Variants in ZFR2 observed in about 807,000 individuals in gnomAD.
The protein encoded by ZFR2 is zinc finger RNA-binding protein 2.
Under a neutral mutation model 105.7 loss-of-function variants are expected in ZFR2, and 104 were observed. The ratio of observed to expected loss-of-function variants is 0.98; its 90% CI spans 0.84 to 1.16. The LOEUF (loss-of-function observed/expected upper bound fraction) is 1.16. Among genes scored for constraint, ZFR2 ranks in the 50% most tolerant of loss-of-function variants. The pLI is 0.00. For synonymous variants in ZFR2, 634 were observed against 597.7 expected (o/e 1.06, Z -0.89); for missense variants, 1,425 against 1,355.5 (o/e 1.05, Z -0.80).
intron 18 of ZFR2, among the ~76,000 whole-genome samples, chr19:3,806,810 A>G (rs750575072): frequency 1.1e-4 from 17 of 152,212 alleles, no homozygotes; most frequent in Non-Finnish European, 1.9e-4. Flanking sequence ...TTTTTCTTAT[A>G]AACAAATTTG....
chr19:3,831,481 G>A lies in ZFR2; in HGVS notation c.674C>T (p.Pro225Leu), dbSNP rs113758593. ...CAGCTGCTGCGGGGGTCCCGGGGGA[G>A]GCGGGGGCTGCGCTGGAGGATAGAA... ...SPFYPPAQPP[P>L]PPGPPQQLPP... The change falls in exon 5 of 19, where the codon CCT becomes CTT. Residue 225 changes from proline (P) to leucine (L), a missense_variant. By Grantham distance (98) the Pro-to-Leu change is moderately conservative (BLOSUM62 -3). Coordinates refer to ENST00000262961, the MANE Select transcript of ZFR2 (RefSeq NM_015174.2). The A allele has an allele frequency of 1.9e-6, 3 of 1,549,976 alleles. No individual in the cohort carries two copies. The highest frequency in any genetic ancestry group is 2.7e-5 in the African/African-American group (2 of 73,080).
At chr19:3,830,504 C>A (rs1253326681) in intron 5 of ZFR2, among the ~76,000 whole-genome samples, 1 of 152,088 alleles carries the variant, frequency 6.6e-6, no homozygotes, top group Non-Finnish European at 1.5e-5. Context: ...GCATGAGACA[C>A]AGTGGAGAGC....
In ZFR2 at chr19:3,804,885, TG is replaced by T. The variant is rs1408732686; in HGVS notation, c.*1063del. On this transcript the variant is annotated 3_prime_UTR_variant, in exon 19 of 19. Coordinates refer to ENST00000262961, the MANE Select transcript of ZFR2 (RefSeq NM_015174.2). ...AGTTTTGTTTGTTTGTTTGTTTGTT[TG>T]TTTGTTTCTTTGAGACAGGGTCTCG... 1 of 153,292 alleles carries T rather than the reference TG, an allele frequency of 6.5e-6. No homozygotes were observed. The highest frequency in any genetic ancestry group is 2.4e-5 in the African/African-American group (1 of 41,480). 9.5% of individuals were successfully genotyped at this position (153,292 alleles called of 1,614,324 possible).
chr19:3,841,075 C>T (rs562430459), intron 1 of ZFR2, among the ~76,000 whole-genome samples: 5 of 152,010 alleles, frequency 3.3e-5, no homozygotes, highest in African/African-American at 1.2e-4. Context: ...CCCGGGAGAC[C>T]CAGGCCCCAT....
At chr19:3,861,164 C>A (rs780462588) in intron 1 of ZFR2, among the ~76,000 whole-genome samples, 2 of 152,000 alleles carry the variant, frequency 1.3e-5, no homozygotes, top group African/African-American at 4.8e-5. Context: ...CCGCCAACCG[C>A]GACAAGTAAA....
At position 3,834,062 on chromosome 19, in the gene ZFR2, C is replaced by T. The variant is rs1345237721; in HGVS notation, c.265-284G>A. ...GGACGCTTGGTGCGGCAGGAGAGGG[C>T]GGGTTTGCAGGGAGAAGCCCCCGAG... On this transcript the variant is annotated intron_variant, in intron 2 of 18. Coordinates refer to ENST00000262961, the MANE Select transcript of ZFR2 (RefSeq NM_015174.2). This position sits in a 1 kb window ranked among gnomAD's most constrained non-coding sequence, Gnocchi z 5.3. 2.6e-5 allele frequency among the ~76,000 whole-genome samples: 4 copies of T among 152,022 alleles called. No homozygotes were observed. Among genetic ancestry groups the T allele is most frequent in the Non-Finnish European group, 4.4e-5 (3 of 67,974 alleles).
intron 12 of ZFR2, 88 bp downstream of exon 12, chr19:3,818,957 G>C: frequency 6.7e-7 from 1 of 1,489,024 alleles, no homozygotes; most frequent in Non-Finnish European, 9.0e-7. Context: ...GCCCATCAGA[G>C]CTAGGGGTTC....
chr19:3,806,937 T>A (rs765609802), intron 18 of ZFR2, among the ~76,000 whole-genome samples: 26 of 152,120 alleles, frequency 1.7e-4, no homozygotes, highest in Non-Finnish European at 3.1e-4. Flanking sequence ...AGACCTGAGG[T>A]CTGGGCGTCA....
Position 3,813,766 on chromosome 19 carries a change from C to G in ZFR2, c.2242+54G>C, listed in dbSNP as rs1370533389. Reference sequence around the variant, plus strand: ...CTGCCCCAGGCCTGGGTGTGGGGAGCGCCCTGGGGAAGCGTGAGGGGGACA... The same window carrying G: ...CTGCCCCAGGCCTGGGTGTGGGGAGGGCCCTGGGGAAGCGTGAGGGGGACA... On this transcript the variant is annotated intron_variant, in intron 14 of 18. Coordinates refer to ENST00000262961, the MANE Select transcript of ZFR2 (RefSeq NM_015174.2). This position sits in a 1 kb window ranked among gnomAD's most constrained non-coding sequence, Gnocchi z 4.4. 1 of 1,599,106 alleles carries G rather than the reference C, an allele frequency of 6.3e-7. No individual in the cohort carries two copies. The highest frequency in any genetic ancestry group is 1.3e-5 in the African/African-American group (1 of 74,744).
At chr19:3,851,419 G>A (rs1380010619) in intron 1 of ZFR2, among the ~76,000 whole-genome samples, 1 of 152,196 alleles carries the variant, frequency 6.6e-6, no homozygotes, top group Non-Finnish European at 1.5e-5. Context: ...CTCATCTCAA[G>A]TCATTGCTTG....
At chr19:3,862,884 C>T (rs908384987) in intron 1 of ZFR2, among the ~76,000 whole-genome samples, 3 of 152,186 alleles carry the variant, frequency 2.0e-5, no homozygotes, top group Non-Finnish European at 4.4e-5. Context: ...CCTCCAGGGT[C>T]GTGCTCCCTG....
At chr19:3,845,817 A>G (rs186126360) in intron 1 of ZFR2, among the ~76,000 whole-genome samples, 3 of 152,166 alleles carry the variant, frequency 2.0e-5, no homozygotes, top group African/African-American at 7.2e-5. Flanking sequence ...AAAGAAAAAA[A>G]CTAAAAATAA....
At chr19:3,808,264 C>T (rs546579515) in intron 17 of ZFR2, among the ~76,000 whole-genome samples, 113 of 152,256 alleles carry the variant, frequency 7.4e-4, no homozygotes, top group Middle Eastern at 3.4e-3. Flanking sequence ...TGCGTGTGTG[C>T]GTGTGCATGC....
chr19:3,820,598 T>A (rs1488601409), intron 10 of ZFR2, among the ~76,000 whole-genome samples: 1 of 152,100 alleles, frequency 6.6e-6, no homozygotes, highest in Non-Finnish European at 1.5e-5. Flanking sequence ...CAGAGTCAGA[T>A]GTTACATCAG....
chr19:3,855,962 C>T (rs2038294521), intron 1 of ZFR2, among the ~76,000 whole-genome samples: 1 of 152,174 alleles, frequency 6.6e-6, no homozygotes, highest in Non-Finnish European at 1.5e-5. Flanking sequence ...ACGGGGGTTT[C>T]CAGCGGAGGA....
rs376653128 is a variant in ZFR2, at chr19:3,831,268, C to T, written c.852+35G>A. The T allele has an allele frequency of 2.1e-4, 311 of 1,474,652 alleles. 1 individual carries two copies. The African/African-American group carries it at 3.0e-3, about 14-fold the overall frequency. The allele number at this position is 1,474,652 out of a possible 1,614,324, so 91.3% of individuals were successfully genotyped here. Reference sequence around the variant, plus strand: ...GTTCAGACGTTGGGGACAGAGAGGTCCCTGGGGCCTGCCCATGGCAGGAGG... The same window carrying T: ...GTTCAGACGTTGGGGACAGAGAGGTTCCTGGGGCCTGCCCATGGCAGGAGG... On this transcript the variant is annotated intron_variant, in intron 5 of 18. Transcript: ENST00000262961.
At chr19:3,841,372 T>C (rs1330816924) in intron 1 of ZFR2, among the ~76,000 whole-genome samples, 1 of 152,182 alleles carries the variant, frequency 6.6e-6, no homozygotes. Context: ...GTTCAAAGCA[T>C]GGTTCTGGCA....
chr19:3,812,716 C>A (rs922636721), intron 14 of ZFR2, among the ~76,000 whole-genome samples: 5 of 152,094 alleles, frequency 3.3e-5, no homozygotes, highest in African/African-American at 1.2e-4. Flanking sequence ...TTTGTGAGGA[C>A]TGATCGTGAC....
At chr19:3,866,173 T>G (rs1226054386) in intron 1 of ZFR2, among the ~76,000 whole-genome samples, 1 of 152,172 alleles carries the variant, frequency 6.6e-6, no homozygotes, top group Non-Finnish European at 1.5e-5. Context: ...AGCCAAAGTT[T>G]CCAAACAAAA....
Sources: allele counts gnomAD v4.1 joint callset (sites outside exome capture counted in the v4.1 genomes callset), GRCh38; gene constraint gnomAD v4.1.1; non-coding constraint Gnocchi (gnomAD v3.1); transcripts MANE v1.5; gene names NCBI Gene and HGNC (gene_info 2026-07-23, HGNC 2026-07-21).